The following SLC22A11 variants were observed in gnomAD, a reference collection of about 807,000 sequenced individuals.
SLC22A11 encodes solute carrier family 22 member 11.
Under a neutral mutation model 49.4 loss-of-function variants are expected in SLC22A11, and 42 were observed. That is an observed-to-expected ratio of 0.85 (90% CI 0.66 to 1.10). The LOEUF (loss-of-function observed/expected upper bound fraction) is 1.10. Ranked by LOEUF, SLC22A11 falls within the 50% of genes least tolerant of loss-of-function variation. The probability of loss-of-function intolerance (pLI) is 0.00; values close to 1 mark genes in which losing one functional copy is unlikely to be tolerated. For missense variants in SLC22A11, 685 were observed against 731.6 expected (o/e 0.94, Z 0.74); for synonymous variants, 304 against 315.8 (o/e 0.96, Z 0.40).
At chr11:64,570,907 G>A (rs2038694926) in intron 9 of SLC22A11, 72 bp from the exon 10 acceptor site, 7 of 1,492,682 alleles carry the variant, frequency 4.7e-6, no homozygotes, top group Middle Eastern at 1.7e-4. Context: ...AGACTTGACC[G>A]CCATTTTGCC....
At chr11:64,569,579 C>T in intron 8 of SLC22A11, 73 bp from the exon 9 acceptor site, 1 of 1,488,552 alleles carries the variant, frequency 6.7e-7, no homozygotes, top group Non-Finnish European at 9.2e-7. Context: ...CCCCTGGCAT[C>T]TGTGAGCCCA....
At chr11:64,560,919 A>G (rs1362607295) in intron 2 of SLC22A11, among the ~76,000 whole-genome samples, 1 of 152,134 alleles carries the variant, frequency 6.6e-6, no homozygotes, top group Non-Finnish European at 1.5e-5. Context: ...TACAAGGTAG[A>G]TCTCTTCCCT....
rs1217400701 is a variant in SLC22A11, at chr11:64,564,989, G to A, written c.943-233G>A. Among the ~76,000 whole-genome samples the A allele has an allele frequency of 2.6e-5, 4 of 152,238 alleles. No homozygotes were observed. Among genetic ancestry groups the A allele is most frequent in the Non-Finnish European group, 1.5e-5 (1 of 68,038 alleles). On this transcript the variant is annotated intron_variant, in intron 5 of 9. Coordinates refer to ENST00000301891, the MANE Select transcript of SLC22A11 (RefSeq NM_018484.4). The surrounding 1 kb of genome is among the most constrained non-coding windows in gnomAD (Gnocchi z 4.2). ...GGATAAGGGAAGGCTTCCAGAAGGA[G>A]GCAAGCTAGAGCTGAGAGGACCAGG...
rs1390395103 is a variant in SLC22A11, at chr11:64,556,102, A to G, written c.103A>G (p.Met35Val). ...CCCCTGCCTCATGATACCTTCCCAG[A>G]TGCTCCTGGAGAACTTCTCAGCCGC... ...ILPCLMIPSQMLLENFSAAIP... is the reference protein window; with the variant it reads ...ILPCLMIPSQVLLENFSAAIP... Residue 35 changes from methionine (M) to valine (V), a missense_variant, in exon 1 of 10, where the codon ATG becomes GTG. By Grantham distance (21) the Met-to-Val change is conservative (BLOSUM62 1). Coordinates refer to ENST00000301891, the MANE Select transcript of SLC22A11 (RefSeq NM_018484.4). 1 of 1,614,056 alleles carries G rather than the reference A, an allele frequency of 6.2e-7. No homozygotes were observed. Among genetic ancestry groups the G allele is most frequent in the Non-Finnish European group, 8.5e-7 (1 of 1,180,002 alleles).
Position 64,572,687 on chromosome 11 carries a change from A to G in SLC22A11, c.*1645A>G, listed in dbSNP as rs2038719446. ...GCCACCATGCTTATTAAGAAACGCA[A>G]TCCAAACCAAATCCCTCCCTGCTGA... On this transcript the variant is annotated 3_prime_UTR_variant, in exon 10 of 10. Transcript: ENST00000301891. 6.6e-6 allele frequency: 1 copy of G among 152,210 alleles called. No individual in the cohort carries two copies. The highest frequency in any genetic ancestry group is 1.5e-5 in the Non-Finnish European group (1 of 68,070). The allele number at this position is 152,210 out of a possible 1,614,324, so 9.4% of individuals were successfully genotyped here. A position where few individuals can be genotyped will look rare whatever the true frequency, so the allele number is the denominator to read the frequency against.
chr11:64,570,892 C>A, intron 9 of SLC22A11, 87 bp from the exon 10 acceptor site: 1 of 1,301,326 alleles, frequency 7.7e-7, no homozygotes, highest in Non-Finnish European at 1.1e-6. Context: ...GTTTACCCCC[C>A]AATAAGACTT....
chr11:64,567,516 C>A, intron 6 of SLC22A11, 83 bp from the exon 7 acceptor site: 3 of 1,327,366 alleles, frequency 2.3e-6, no homozygotes, highest in South Asian at 1.3e-5. Context: ...TCCTCCCAGG[C>A]AGCTCCTGGT....
At chr11:64,559,994 T>TGCTCCCCCTCCTCCC (rs2038520022) in intron 2 of SLC22A11, among the ~76,000 whole-genome samples, 1 of 151,842 alleles carries the variant, frequency 6.6e-6, no homozygotes, top group Non-Finnish European at 1.5e-5. Flanking sequence ...AAGCTGTTCT[T>TGCTCCCCCTCCTCCC]GCTCCCCCTC....
Position 64,559,151 on chromosome 11 carries a change from G to A in SLC22A11, c.410G>A (p.Ser137Asn). 6.2e-7 allele frequency: 1 copy of A among 1,613,752 alleles called. No homozygotes were observed. Among genetic ancestry groups the A allele is most frequent in the Non-Finnish European group, 8.5e-7 (1 of 1,179,832 alleles). Residue 137 changes from serine (S) to asparagine (N), a missense_variant, in exon 2 of 10, where the codon AGC (serine) becomes AAC (asparagine). By Grantham distance (46) the Ser-to-Asn change is conservative (BLOSUM62 1). Coordinates refer to ENST00000301891, the MANE Select transcript of SLC22A11 (RefSeq NM_018484.4). ...CTCTTGCAGTGGGACCTGGTGTGCA[G>A]CTCCCAGGGCTTGAAGCCCCTAAGC... Reference protein sequence around the residue: ...TIVAKWDLVCSSQGLKPLSQS... With the variant: ...TIVAKWDLVCNSQGLKPLSQS...
Position 64,565,123 on chromosome 11 carries a change from C to T in SLC22A11, c.943-99C>T. The T allele has an allele frequency of 1.1e-6, 1 of 931,370 alleles. No individual in the cohort carries two copies. The highest frequency in any genetic ancestry group is 1.6e-6 in the Non-Finnish European group (1 of 623,524). The allele number at this position is 931,370 out of a possible 1,614,324, so 57.7% of individuals were successfully genotyped here. On this transcript the variant is annotated intron_variant, in intron 5 of 9. Coordinates refer to ENST00000301891, the MANE Select transcript of SLC22A11 (RefSeq NM_018484.4). This position sits in a 1 kb window ranked among gnomAD's most constrained non-coding sequence, Gnocchi z 4.1. ...TCCAGAGGCCGAGGCCCAGGACAGGCTCCCCGTCACTCTGGCCACTTGGAC... is the reference window on the plus strand; with the variant it reads ...TCCAGAGGCCGAGGCCCAGGACAGGTTCCCCGTCACTCTGGCCACTTGGAC...
chr11:64,568,861 C>A, intron 8 of SLC22A11, 83 bp downstream of exon 8: 1 of 1,306,496 alleles, frequency 7.7e-7, no homozygotes, highest in Non-Finnish European at 1.1e-6. Flanking sequence ...GGTCTGGCAG[C>A]CAGGGAAATG....
chr11:64,570,338 A>G (rs2038687143), intron 9 of SLC22A11, among the ~76,000 whole-genome samples: 1 of 152,246 alleles, frequency 6.6e-6, no homozygotes, highest in Non-Finnish European at 1.5e-5. Flanking sequence ...CCATTCTTTG[A>G]CAGGGAGAAA....
chr11:64,572,204 T>G lies in SLC22A11; in HGVS notation c.*1162T>G, dbSNP rs1292309620. The G allele has an allele frequency of 3.3e-5, 5 of 152,262 alleles. No individual in the cohort carries two copies. Among genetic ancestry groups the G allele is most frequent in the African/African-American group, 7.2e-5 (3 of 41,456 alleles). 9.4% of individuals were successfully genotyped at this position (152,262 alleles called of 1,614,324 possible). ...TGTTTGTTTTCTGGAGGGGACACCT[T>G]TTCTTGATTCATGCCCAGACCTCCC... is the stretch of plus-strand genomic sequence containing the variant. On this transcript the variant is annotated 3_prime_UTR_variant, in exon 10 of 10. Transcript: ENST00000301891.
chr11:64,560,480 C>A (rs1383164858), intron 2 of SLC22A11, among the ~76,000 whole-genome samples: 1 of 152,216 alleles, frequency 6.6e-6, no homozygotes, highest in South Asian at 2.1e-4. Context: ...CTCCTGGGGC[C>A]CCCTGCACGC....
chr11:64,559,201 C>G lies in SLC22A11; in HGVS notation c.460C>G (p.Leu154Val). The G allele has an allele frequency of 6.2e-7, 1 of 1,611,700 alleles. No homozygotes were observed. The highest frequency in any genetic ancestry group is 8.5e-7 in the Non-Finnish European group (1 of 1,178,480). ...LSQSIFMSGI[L>V]VGSFIWGLLS... ...CCAGTCCATCTTCATGTCCGGGATCCTGGTGGGCTCCTTTATCTGGGGCCT... is the reference window on the plus strand; with the variant it reads ...CCAGTCCATCTTCATGTCCGGGATCGTGGTGGGCTCCTTTATCTGGGGCCT... Residue 154 changes from leucine (L) to valine (V), a missense_variant, in exon 2 of 10, where the codon CTG becomes GTG. Transcript: ENST00000301891.
chr11:64,559,376 C>A (rs1445799193), intron 2 of SLC22A11, 138 bp downstream of exon 2: 5 of 677,598 alleles, frequency 7.4e-6, no homozygotes, highest in Non-Finnish European at 1.2e-5. Context: ...TTCTTCCCTC[C>A]CCTGGCCATC....
At position 64,571,272 on chromosome 11, in the gene SLC22A11, T is replaced by C; in HGVS notation, c.*230T>C. 1 of 523,162 alleles carries C rather than the reference T, an allele frequency of 1.9e-6. No individual in the cohort carries two copies. The highest frequency in any genetic ancestry group is 3.4e-6 in the Non-Finnish European group (1 of 291,248). The allele number at this position is 523,162 out of a possible 1,614,324, so 32.4% of individuals were successfully genotyped here. ...CAGATTCCCCACCTTACCCGGGCCCTACAGGAGCCTGTGCAGATGGCCATG... is the reference window on the plus strand; with the variant it reads ...CAGATTCCCCACCTTACCCGGGCCCCACAGGAGCCTGTGCAGATGGCCATG... On this transcript the variant is annotated 3_prime_UTR_variant, in exon 10 of 10. Transcript: ENST00000301891.
At position 64,564,543 on chromosome 11, in the gene SLC22A11, C is replaced by A; in HGVS notation, c.942+115C>A. 7.8e-7 allele frequency: 1 copy of A among 1,287,164 alleles called. No homozygotes were observed. The highest frequency in any genetic ancestry group is 1.4e-5 in the South Asian group (1 of 73,250). The allele number at this position is 1,287,164 out of a possible 1,614,324, so 79.7% of individuals were successfully genotyped here. On this transcript the variant is annotated intron_variant, in intron 5 of 9. Transcript: ENST00000301891. The surrounding 1 kb of genome is among the most constrained non-coding windows in gnomAD (Gnocchi z 4.2). ...AGCACCACCTCCACCAGCACCACCACCAGCATCTCCACAGACACCACCAAC... is the reference window on the plus strand; with the variant it reads ...AGCACCACCTCCACCAGCACCACCAACAGCATCTCCACAGACACCACCAAC...
At position 64,565,643 on chromosome 11, in the gene SLC22A11, A is replaced by G. The variant is rs1434318434; in HGVS notation, c.1058+306A>G. On this transcript the variant is annotated intron_variant, in intron 6 of 9. Coordinates refer to ENST00000301891, the MANE Select transcript of SLC22A11 (RefSeq NM_018484.4). This position sits in a 1 kb window ranked among gnomAD's most constrained non-coding sequence, Gnocchi z 4.1. ...AGACAGAGGCAGAGCCAGGGTCCCT[A>G]GAGCCAGGGGACCAGCCACGGCCGA... 1 of 487,146 alleles carries G rather than the reference A, an allele frequency of 2.1e-6. No individual in the cohort carries two copies. Among genetic ancestry groups the G allele is most frequent in the Non-Finnish European group, 4.0e-6 (1 of 250,544 alleles). The allele number at this position is 487,146 out of a possible 1,614,324, so 30.2% of individuals were successfully genotyped here. A position where few individuals can be genotyped will look rare whatever the true frequency, so the allele number is the denominator to read the frequency against.
Sources: gnomAD v4.1 joint callset for allele counts (sites outside exome capture counted in the v4.1 genomes callset) on GRCh38, gnomAD v4.1.1 for gene constraint, Gnocchi (gnomAD v3.1) non-coding constraint, MANE v1.5 for transcripts, NCBI Gene and HGNC (gene_info 2026-07-23, HGNC 2026-07-21) for gene names.